NAA15: variants seen among roughly 807,000 people sequenced by gnomAD.
NAA15 encodes N-alpha-acetyltransferase 15, NatA auxiliary subunit.
In NAA15, 34 loss-of-function variants were observed where a neutral mutation model predicts 114.0. The observed-to-expected ratio is 0.30, with a 90% confidence interval of 0.23 to 0.40. NAA15 has a LOEUF of 0.40. Among genes scored for constraint, NAA15 ranks in the 10% least tolerant of loss-of-function variants. The probability of loss-of-function intolerance (pLI) is 1.00; values close to 1 mark genes in which losing one functional copy is unlikely to be tolerated. For synonymous variants in NAA15, 340 were observed against 338.0 expected (o/e 1.01, Z -0.06); for missense variants, 658 against 1,004.5 (o/e 0.66, Z 4.66).
chr4:139,322,728 G>A (rs766363080), intron 1 of NAA15, among the ~76,000 whole-genome samples: 1 of 152,184 alleles, frequency 6.6e-6, no homozygotes, highest in Non-Finnish European at 1.5e-5. Flanking sequence ...GTCTTGCTCT[G>A]TTGCCCAGGC....
chr4:139,348,545 G>C (rs1213440445), intron 6 of NAA15, among the ~76,000 whole-genome samples: 2 of 152,022 alleles, frequency 1.3e-5, no homozygotes, highest in East Asian at 3.8e-4. Flanking sequence ...ATAACAGAGA[G>C]TGAAGGATGC....
chr4:139,328,608 G>A (rs569899630), intron 1 of NAA15, among the ~76,000 whole-genome samples: 8 of 127,434 alleles, frequency 6.3e-5, no homozygotes, highest in African/African-American at 1.5e-4. Context: ...TCACTCTGTC[G>A]CCAGGCTGGA....
intron 1 of NAA15, among the ~76,000 whole-genome samples, chr4:139,330,753 G>T (rs1746973152): frequency 6.6e-6 from 1 of 152,126 alleles, no homozygotes; most frequent in Non-Finnish European, 1.5e-5. Flanking sequence ...GAGGATTGCT[G>T]GAGCCTGTGA....
intron 1 of NAA15, among the ~76,000 whole-genome samples, chr4:139,333,476 T>C (rs947892366): frequency 6.6e-6 from 1 of 152,196 alleles, no homozygotes; most frequent in Non-Finnish European, 1.5e-5. Flanking sequence ...CTATGATATG[T>C]TACAGTCTGG....
intron 1 of NAA15, among the ~76,000 whole-genome samples, chr4:139,307,133 T>C (rs1206488653): frequency 1.3e-5 from 2 of 152,218 alleles, no homozygotes; most frequent in Non-Finnish European, 2.9e-5. Context: ...ATTTGCCAGG[T>C]AAAATGAGAA....
At chr4:139,322,423 A>AG (rs1746649937) in intron 1 of NAA15, among the ~76,000 whole-genome samples, 1 of 152,214 alleles carries the variant, frequency 6.6e-6, no homozygotes, top group South Asian at 2.1e-4. Flanking sequence ...GCCCAGTCTC[A>AG]GGTATGTCTT....
intron 2 of NAA15, among the ~76,000 whole-genome samples, chr4:139,336,426 T>A: frequency 6.6e-6 from 1 of 152,316 alleles, no homozygotes; most frequent in East Asian, 1.9e-4. Context: ...GTGTATTTTT[T>A]AAATCACTGA....
intron 1 of NAA15, among the ~76,000 whole-genome samples, chr4:139,324,804 A>G (rs1197498493): frequency 1.3e-5 from 2 of 152,102 alleles, no homozygotes; most frequent in Non-Finnish European, 2.9e-5. Flanking sequence ...GTAATAAGTG[A>G]CCTATTATAG....
chr4:139,366,199 T>C (rs1446514338), intron 14 of NAA15, among the ~76,000 whole-genome samples: 2 of 152,148 alleles, frequency 1.3e-5, no homozygotes, highest in African/African-American at 4.8e-5. Flanking sequence ...CAGAAGTGTC[T>C]AAGTGACTCT....
chr4:139,351,359 G>T, intron 8 of NAA15, 73 bp downstream of exon 8: 1 of 1,138,664 alleles, frequency 8.8e-7, no homozygotes, highest in South Asian at 1.3e-5. Context: ...TTTTAAGTAT[G>T]AGTATGCATA....
chr4:139,343,523 CAT>C (rs1747482122), intron 5 of NAA15, among the ~76,000 whole-genome samples: 1 of 152,170 alleles, frequency 6.6e-6, no homozygotes, highest in South Asian at 2.1e-4. Flanking sequence ...TATTTTATGA[CAT>C]AGACATTTCT....
At chr4:139,329,440 T>C (rs973466898) in intron 1 of NAA15, among the ~76,000 whole-genome samples, 42 of 152,204 alleles carry the variant, frequency 2.8e-4, no homozygotes, top group African/African-American at 9.2e-4. Context: ...TAACTGTCTT[T>C]AAAGAGTGGT....
chr4:139,363,298 A>C (rs1041862193), intron 14 of NAA15, among the ~76,000 whole-genome samples: 2 of 152,230 alleles, frequency 1.3e-5, no homozygotes, highest in Non-Finnish European at 2.9e-5. Flanking sequence ...ATACTTAGCA[A>C]ATATGAAGAT....
Position 139,360,709 on chromosome 4 carries a change from A to G in NAA15, c.1539+81A>G, listed in dbSNP as rs553100524. 62 of 1,262,020 alleles carry G rather than the reference A, an allele frequency of 4.9e-5. No homozygotes were observed. The Middle Eastern group carries it at 2.8e-3, about 57-fold the overall frequency. 78.2% of individuals were successfully genotyped at this position (1,262,020 alleles called of 1,614,324 possible). A position where few individuals can be genotyped will look rare whatever the true frequency, so the allele number is the denominator to read the frequency against. ...AAATTTCATAGTTTTTTTCTCTTCT[A>G]TTTCTTTATAATTCATAGTAGGTGC... On this transcript the variant is annotated intron_variant, in intron 13 of 19. Coordinates refer to ENST00000296543, the MANE Select transcript of NAA15 (RefSeq NM_057175.5).
intron 17 of NAA15, among the ~76,000 whole-genome samples, chr4:139,380,683 T>G (rs1360444911): frequency 1.3e-5 from 2 of 152,184 alleles, no homozygotes; most frequent in African/African-American, 4.8e-5. Flanking sequence ...GTCATCACTT[T>G]ACAAAGTGAT....
intron 4 of NAA15, among the ~76,000 whole-genome samples, chr4:139,341,593 CAAA>C (rs751688160): frequency 1.4e-4 from 2 of 14,430 alleles, no homozygotes; most frequent in Admixed American, 1.6e-3. Context: ...AACTCTGTCT[CAAA>C]AAAAAAAAAA....
intron 1 of NAA15, among the ~76,000 whole-genome samples, chr4:139,330,361 T>G (rs1317421275): frequency 1.3e-5 from 2 of 152,232 alleles, no homozygotes; most frequent in African/African-American, 4.8e-5. Flanking sequence ...CTTACTATGT[T>G]TCTTTGGCTA....
chr4:139,302,124 G>T lies in NAA15; in HGVS notation c.54+293G>T, dbSNP rs545991305. On this transcript the variant is annotated intron_variant, in intron 1 of 19. Transcript: ENST00000296543. ...GGTTCTCATTCTCCCCGATCTGGGG[G>T]AGAAGAGGCCCGGCCTTTGGCGGGC... The T allele has an allele frequency of 7.3e-4, 261 of 357,082 alleles. 1 individual carries two copies. The highest frequency in any genetic ancestry group is 4.4e-4 in the Non-Finnish European group (87 of 197,776). The allele number at this position is 357,082 out of a possible 1,614,324, so 22.1% of individuals were successfully genotyped here. A position where few individuals can be genotyped will look rare whatever the true frequency, so the allele number is the denominator to read the frequency against.
chr4:139,376,648 A>C (rs1174581028), intron 16 of NAA15, among the ~76,000 whole-genome samples, 175 bp downstream of exon 16: 3 of 152,204 alleles, frequency 2.0e-5, no homozygotes, highest in Non-Finnish European at 4.4e-5. Context: ...TGATATAATC[A>C]CTTCTTTTAG....
Sources: allele counts gnomAD v4.1 joint callset (sites outside exome capture counted in the v4.1 genomes callset), GRCh38; gene constraint gnomAD v4.1.1; transcripts MANE v1.5; gene names NCBI Gene and HGNC (gene_info 2026-07-23, HGNC 2026-07-21).